LRCH1: variants seen among roughly 807,000 people sequenced by gnomAD.
LRCH1 encodes the protein leucine rich repeats and calponin homology domain containing 1, also known as leucine-rich repeat and calponin homology domain-containing protein 1.
In LRCH1, 23 loss-of-function variants were observed where a neutral mutation model predicts 94.9. That is an observed-to-expected ratio of 0.24 (90% CI 0.17 to 0.34). LRCH1 has a LOEUF of 0.34. Ranked by LOEUF, LRCH1 falls within the 10% of genes least tolerant of loss-of-function variation. The pLI, the probability that LRCH1 is intolerant of heterozygous loss-of-function variation, is 1.00. For synonymous variants in LRCH1, 364 were observed against 354.9 expected, an observed-to-expected ratio of 1.03 and a Z score of -0.29; for missense variants, 790 against 945.9, an observed-to-expected ratio of 0.84 and a Z score of 2.16.
Position 46,681,700 on chromosome 13 carries a change from G to GA in LRCH1, c.580-36dup, listed in dbSNP as rs528933766. The GA allele has an allele frequency of 3.3e-4, 456 of 1,368,018 alleles. 2 individuals are homozygous for GA. The African/African-American group carries it at 5.6e-3, about 17-fold the overall frequency. The allele number at this position is 1,368,018 out of a possible 1,614,324, so 84.7% of individuals were successfully genotyped here. The stretch of plus-strand genomic sequence containing the variant: ...TTCACATGAAATGCTTGATTTCCTG[G>GA]AAAAAGATGTTTATTATTTCTCTCT... On this transcript the variant is annotated intron_variant, in intron 3 of 19. Transcript: ENST00000389797.
At chr13:46,572,083 C>T (rs956143878) in intron 1 of LRCH1, among the ~76,000 whole-genome samples, 3 of 152,186 alleles carry the variant, frequency 2.0e-5, no homozygotes, top group Non-Finnish European at 4.4e-5. Flanking sequence ...TATCTCTTGT[C>T]GGATACAGCT....
chr13:46,739,567 C>G (rs1439654210), intron 19 of LRCH1, among the ~76,000 whole-genome samples: 2 of 152,058 alleles, frequency 1.3e-5, no homozygotes, highest in African/African-American at 4.8e-5. Context: ...AATTTTAGCC[C>G]TGGTTTGCTT....
At chr13:46,671,062 A>G (rs1238145650) in intron 3 of LRCH1, among the ~76,000 whole-genome samples, 1 of 152,154 alleles carries the variant, frequency 6.6e-6, no homozygotes, top group East Asian at 1.9e-4. Context: ...CTTCGGGTTC[A>G]TCTCTTGCCA....
intron 16 of LRCH1, among the ~76,000 whole-genome samples, chr13:46,716,101 T>G (rs1000730513): frequency 6.6e-6 from 1 of 152,088 alleles, no homozygotes; most frequent in African/African-American, 2.4e-5. Context: ...GATCCTAGAG[T>G]ATTGCATTGA....
chr13:46,675,768 G>A (rs897331621), intron 3 of LRCH1, among the ~76,000 whole-genome samples: 2 of 152,134 alleles, frequency 1.3e-5, no homozygotes, highest in Non-Finnish European at 2.9e-5. Flanking sequence ...TCTGTGGGAT[G>A]ATTGGAAACC....
At chr13:46,678,071 A>C (rs1179093180) in intron 3 of LRCH1, among the ~76,000 whole-genome samples, 3 of 152,344 alleles carry the variant, frequency 2.0e-5, no homozygotes, top group South Asian at 2.1e-4. Context: ...ATTCTTACTA[A>C]TTGCCGAAGT....
Position 46,708,246 on chromosome 13 carries a change from A to G in LRCH1, c.1527+2942A>G, listed in dbSNP as rs144241587. ...TAAATATAGACTGAGCCCAGTTCAT[A>G]GTTTTGTCTAGGTCTAGTTTTCATC... On this transcript the variant is annotated intron_variant, in intron 13 of 19. Coordinates refer to ENST00000389797, the MANE Select transcript of LRCH1 (RefSeq NM_001164211.2). 3.4e-4 allele frequency among the ~76,000 whole-genome samples: 50 copies of G among 148,194 alleles called. 1 individual carries two copies. The highest frequency in any genetic ancestry group is 1.2e-3 in the African/African-American group (47 of 40,556).
chr13:46,712,006 C>T (rs1872090122), intron 14 of LRCH1, among the ~76,000 whole-genome samples, 162 bp downstream of exon 14: 1 of 152,146 alleles, frequency 6.6e-6, no homozygotes. Flanking sequence ...TTATCTGGTC[C>T]TATTCGTAAT....
At chr13:46,647,621 G>T (rs1339388926) in intron 1 of LRCH1, among the ~76,000 whole-genome samples, 2 of 151,960 alleles carry the variant, frequency 1.3e-5, no homozygotes, top group Non-Finnish European at 2.9e-5. Flanking sequence ...ATACTTTTTT[G>T]TGTGTGTTGA....
Position 46,553,517 on chromosome 13 carries a change from GCCC to G in LRCH1, c.124_126del (p.Pro42del). The G allele has an allele frequency of 3.2e-6, 5 of 1,546,190 alleles. No homozygotes were observed. The highest frequency in any genetic ancestry group is 4.4e-6 in the Non-Finnish European group (5 of 1,144,800). On this transcript the variant is annotated inframe_deletion, in exon 1 of 20. Coordinates refer to ENST00000389797, the MANE Select transcript of LRCH1 (RefSeq NM_001164211.2). ...CCATCAGCACCACGGAGGAACCGGC[GCCC>G]CCGGCGGGGCGGGTGGTGGCGGCGG...
intron 3 of LRCH1, among the ~76,000 whole-genome samples, chr13:46,673,746 A>ATTTTTT (rs546225715): frequency 9.2e-6 from 1 of 108,268 alleles, no homozygotes; most frequent in African/African-American, 3.7e-5. Flanking sequence ...TCCAAATGGA[A>ATTTTTT]TTTTTTTTTT....
At chr13:46,712,708 GA>G in intron 15 of LRCH1, 111 bp downstream of exon 15, 3 of 984,164 alleles carry the variant, frequency 3.0e-6, no homozygotes, top group Non-Finnish European at 4.7e-6. Flanking sequence ...CTGCTGAGCC[GA>G]AATCCTGGCA....
chr13:46,644,454 G>A (rs556982539), intron 1 of LRCH1, among the ~76,000 whole-genome samples: 15 of 152,276 alleles, frequency 9.9e-5, no homozygotes, highest in Admixed American at 2.0e-4. Flanking sequence ...CTTAGTGTAC[G>A]TTGAGGATGC....
rs1264702082 is a variant in LRCH1 at position 46,741,868 on chromosome 13, A to G, written c.*20A>G. On this transcript the variant is annotated 3_prime_UTR_variant, in exon 20 of 20. Coordinates refer to ENST00000389797, the MANE Select transcript of LRCH1 (RefSeq NM_001164211.2). ...GCATAATGTCTGCACGTGCATCCAA[A>G]CGCTGTGCTCTGTCGCCCTCAACCT... 5 of 1,613,114 alleles carry G rather than the reference A, an allele frequency of 3.1e-6. No individual in the cohort carries two copies. In the Admixed American group the frequency reaches 8.3e-5, roughly 27 times the overall value.
At chr13:46,664,643 C>G (rs747790162) in intron 2 of LRCH1, among the ~76,000 whole-genome samples, 1 of 152,154 alleles carries the variant, frequency 6.6e-6, no homozygotes. Flanking sequence ...TTAAGCAACA[C>G]GTGGCTGTAA....
intron 3 of LRCH1, among the ~76,000 whole-genome samples, chr13:46,673,001 G>A (rs2051621232): frequency 6.6e-6 from 1 of 152,110 alleles, no homozygotes; most frequent in Non-Finnish European, 1.5e-5. Flanking sequence ...TTAAAGTACT[G>A]GTAGATACAT....
At chr13:46,657,495 CTTTTCTTTTTTTTTTTTTTTTTTTT>C (rs1392399773) in intron 2 of LRCH1, among the ~76,000 whole-genome samples, 7 of 16,814 alleles carry the variant, frequency 4.2e-4, no homozygotes, top group Admixed American at 9.2e-4. Flanking sequence ...TTTTTCTTTT[CTTTTCTTTTTTTTTTTTTTTTTTTT>C]TTTTTTTTTT....
chr13:46,745,761 C>T (rs1352260239), downstream of LRCH1, among the ~76,000 whole-genome samples: 1 of 152,138 alleles, frequency 6.6e-6, no homozygotes, highest in Non-Finnish European at 1.5e-5. Context: ...GCAGCCTGAA[C>T]AAAATGAAAT....
Position 46,685,984 on chromosome 13 carries a change from G to A in LRCH1, c.765G>A (p.Met255Ile), listed in dbSNP as rs775793954. The change falls in exon 5 of 20, where the codon ATG becomes ATA. Residue 255 changes from methionine (M) to isoleucine (I), a missense_variant. Met to Ile is a conservative substitution (Grantham distance 10). Coordinates refer to ENST00000389797, the MANE Select transcript of LRCH1 (RefSeq NM_001164211.2). ...TGATTCCAATTTGTTTTAGAGAGAT[G>A]AAGCAGCTGCAAGTGTTACTACTTG... ...VLVIPICFREMKQLQVLLLEN... is the reference protein window; with the variant it reads ...VLVIPICFREIKQLQVLLLEN... The A allele has an allele frequency of 2.5e-6, 4 of 1,610,602 alleles. No individual in the cohort carries two copies. The East Asian group carries it at 8.9e-5, about 36-fold the overall frequency.
Sources: allele counts gnomAD v4.1 joint callset (sites outside exome capture counted in the v4.1 genomes callset), GRCh38; gene constraint gnomAD v4.1.1; transcripts MANE v1.5; gene names NCBI Gene and HGNC (gene_info 2026-07-23, HGNC 2026-07-21).